Variants in C2orf69 observed in about 807,000 individuals in gnomAD.
C2orf69 encodes the protein mitochondrial protein C2orf69.
In C2orf69, 19 loss-of-function variants were observed where a neutral mutation model predicts 29.5. The ratio of observed to expected loss-of-function variants is 0.65; its 90% CI spans 0.45 to 0.95. The LOEUF is 0.95. C2orf69 is among the 40% of genes least tolerant of loss of function. The probability of loss-of-function intolerance (pLI) is 0.00; values close to 1 mark genes in which losing one functional copy is unlikely to be tolerated. For missense variants in C2orf69, 416 were observed against 482.1 expected (o/e 0.86, Z 1.28); for synonymous variants, 194 against 180.0 (o/e 1.08, Z -0.62).
intron 1 of C2orf69, among the ~76,000 whole-genome samples, chr2:199,923,685 G>T (rs2077326019): frequency 6.6e-6 from 1 of 152,148 alleles, no homozygotes; most frequent in South Asian, 2.1e-4. Context: ...TTTAATATTG[G>T]TTACATGTTG....
At chr2:199,922,398 G>A (rs1172201135) in intron 1 of C2orf69, among the ~76,000 whole-genome samples, 1 of 151,884 alleles carries the variant, frequency 6.6e-6, no homozygotes, top group Non-Finnish European at 1.5e-5. Context: ...CCAGCCTCAG[G>A]CTTTTTTTAA....
Position 199,925,956 on chromosome 2 carries a change from T to C in C2orf69, c.*70T>C, listed in dbSNP as rs2105677659. On this transcript the variant is annotated 3_prime_UTR_variant, in exon 2 of 2. Coordinates refer to ENST00000319974, the MANE Select transcript of C2orf69 (RefSeq NM_153689.6). This position sits in a 1 kb window ranked among gnomAD's most constrained non-coding sequence, Gnocchi z 4.9. ...CACTTTTGAGTGTTATAAATTCAGA[T>C]AATGGGATGTAATTCATAGCTGCAT... is the stretch of plus-strand genomic sequence containing the variant. 1 of 977,232 alleles carries C rather than the reference T, an allele frequency of 1.0e-6. No individual in the cohort carries two copies. The highest frequency in any genetic ancestry group is 2.6e-5 in the East Asian group (1 of 38,946). The allele number at this position is 977,232 out of a possible 1,614,324, so 60.5% of individuals were successfully genotyped here. A position where few individuals can be genotyped will look rare whatever the true frequency, so the allele number is the denominator to read the frequency against.
At chr2:199,923,114 C>CA (rs1204395110) in intron 1 of C2orf69, among the ~76,000 whole-genome samples, 1 of 152,228 alleles carries the variant, frequency 6.6e-6, no homozygotes, top group African/African-American at 2.4e-5. Context: ...CCACGTGGTT[C>CA]ACTCTCTGAG....
In C2orf69 at chr2:199,911,365, C is replaced by A. The variant is rs1294560848; in HGVS notation, c.-74C>A. On this transcript the variant is annotated 5_prime_UTR_variant, in exon 1 of 2. Transcript: ENST00000319974. ...CCGACCGTTGAGCCGCCGGCTGAGC[C>A]GCCTGCTGAAGTCCCTCCCTCAGGA... 3.2e-5 allele frequency: 44 copies of A among 1,374,862 alleles called. No individual in the cohort carries two copies. Among genetic ancestry groups the A allele is most frequent in the Non-Finnish European group, 3.7e-5 (40 of 1,069,988 alleles). The allele number at this position is 1,374,862 out of a possible 1,614,324, so 85.2% of individuals were successfully genotyped here.
At chr2:199,923,103 C>T (rs1267510593) in intron 1 of C2orf69, among the ~76,000 whole-genome samples, 1 of 152,222 alleles carries the variant, frequency 6.6e-6, no homozygotes, top group Non-Finnish European at 1.5e-5. Flanking sequence ...GCCTGAAATA[C>T]CCACGTGGTT....
rs955658665 is a variant in C2orf69 at position 199,911,484 on chromosome 2, C to A, written c.46C>A (p.Leu16Met). The A allele has an allele frequency of 3.9e-6, 6 of 1,546,802 alleles. No homozygotes were observed. The highest frequency in any genetic ancestry group is 1.4e-5 in the African/African-American group (1 of 72,714). The change falls in exon 1 of 2, where the codon CTG becomes ATG. Residue 16 changes from leucine to methionine, a missense_variant. Transcript: ENST00000319974. ...GCGGTCGCCGCCGTTGCTGCTCCTG[C>A]TGCCGCAGCTCGGAATCGGAAACGC... ...LLRSPPLLLL[L>M]PQLGIGNASS...
At position 199,925,221 on chromosome 2, in the gene C2orf69, A is replaced by C. The variant is rs761816847; in HGVS notation, c.493A>C (p.Asn165His). ...MHLHKFSCYD[N>H]FVKSNMFGAP... ...TTTGCACAAATTCAGCTGCTATGACAATTTTGTGAAAAGTAACATGTTTGG... is the reference window on the plus strand; with the variant it reads ...TTTGCACAAATTCAGCTGCTATGACCATTTTGTGAAAAGTAACATGTTTGG... The change falls in exon 2 of 2, where the codon AAT becomes CAT. Residue 165 changes from asparagine to histidine, a missense_variant. Asn to His is a moderately conservative substitution (Grantham distance 68, BLOSUM62 1). Transcript: ENST00000319974. The surrounding 1 kb of genome is among the most constrained non-coding windows in gnomAD (Gnocchi z 4.9). The C allele has an allele frequency of 7.4e-5, 119 of 1,612,534 alleles. No individual in the cohort carries two copies. The highest frequency in any genetic ancestry group is 1.0e-4 in the Non-Finnish European group (119 of 1,179,862).
chr2:199,924,845 T>A (rs1210184394), intron 1 of C2orf69, among the ~76,000 whole-genome samples: 5 of 152,154 alleles, frequency 3.3e-5, no homozygotes, highest in African/African-American at 1.2e-4. Flanking sequence ...TACTTCCTTG[T>A]CTCTTGATAG....
chr2:199,919,806 T>C (rs2077306913), intron 1 of C2orf69, among the ~76,000 whole-genome samples: 1 of 152,238 alleles, frequency 6.6e-6, no homozygotes, highest in Admixed American at 6.5e-5. Context: ...ACATGAACTT[T>C]GGCGGACACA....
Position 199,925,028 on chromosome 2 carries a change from A to G in C2orf69, c.334-34A>G. On this transcript the variant is annotated intron_variant, in intron 1 of 1. Transcript: ENST00000319974. This position sits in a 1 kb window ranked among gnomAD's most constrained non-coding sequence, Gnocchi z 4.9. ...TGGAAATCATTTTATGTAAATATGTATTTAATACTTATTTCATCTTTCTTA... is the reference window on the plus strand; with the variant it reads ...TGGAAATCATTTTATGTAAATATGTGTTTAATACTTATTTCATCTTTCTTA... 1 of 1,267,642 alleles carries G rather than the reference A, an allele frequency of 7.9e-7. No homozygotes were observed. Among genetic ancestry groups the G allele is most frequent in the Non-Finnish European group, 1.1e-6 (1 of 895,290 alleles). The allele number at this position is 1,267,642 out of a possible 1,614,324, so 78.5% of individuals were successfully genotyped here. A position where few individuals can be genotyped will look rare whatever the true frequency, so the allele number is the denominator to read the frequency against.
At position 199,925,647 on chromosome 2, in the gene C2orf69, A is replaced by G. The variant is rs753891992; in HGVS notation, c.919A>G (p.Ser307Gly). 3.5e-5 allele frequency: 56 copies of G among 1,613,786 alleles called. No homozygotes were observed. The highest frequency in any genetic ancestry group is 2.0e-4 in the Admixed American group (12 of 59,992). Residue 307 changes from serine to glycine, a missense_variant, in exon 2 of 2, where the codon AGC (serine) becomes GGC (glycine). Ser to Gly is a moderately conservative substitution (Grantham distance 56, BLOSUM62 0). This residue lies in a region of C2orf69 where 225 missense variants were observed against 307.3 expected (regional missense o/e 0.73). Coordinates refer to ENST00000319974, the MANE Select transcript of C2orf69 (RefSeq NM_153689.6). The surrounding 1 kb of genome is among the most constrained non-coding windows in gnomAD (Gnocchi z 4.9). ...YWLDGGHSGG[S>G]NTWVTYPEVL... ...GCTGGATGGTGGTCATTCTGGAGGAAGCAATACTTGGGTTACTTATCCAGA... is the reference window on the plus strand; with the variant it reads ...GCTGGATGGTGGTCATTCTGGAGGAGGCAATACTTGGGTTACTTATCCAGA...
rs1465885926 is a variant in C2orf69, at chr2:199,925,644, G to A, written c.916G>A (p.Gly306Arg). 3 of 1,613,828 alleles carry A rather than the reference G, an allele frequency of 1.9e-6. No individual in the cohort carries two copies. The highest frequency in any genetic ancestry group is 2.2e-5 in the South Asian group (2 of 91,066). ...TTGGCTGGATGGTGGTCATTCTGGA[G>A]GAAGCAATACTTGGGTTACTTATCC... ...MYWLDGGHSG[G>R]SNTWVTYPEV... The change falls in exon 2 of 2, where the codon GGA (glycine) becomes AGA (arginine). Residue 306 changes from glycine (G) to arginine (R), a missense_variant. Physicochemically the swap from Gly to Arg is moderately radical, Grantham distance 125. Transcript: ENST00000319974. The surrounding 1 kb of genome is among the most constrained non-coding windows in gnomAD (Gnocchi z 4.9).
At chr2:199,919,942 A>G (rs995277147) in intron 1 of C2orf69, among the ~76,000 whole-genome samples, 5 of 152,324 alleles carry the variant, frequency 3.3e-5, no homozygotes, top group East Asian at 1.9e-4. Context: ...CGTTACTTCA[A>G]TAGCAGTTTG....
At position 199,927,836 on chromosome 2, in the gene C2orf69, A is replaced by G. The variant is rs2077341708; in HGVS notation, c.*1950A>G. 6.6e-6 allele frequency: 1 copy of G among 152,156 alleles called. No individual in the cohort carries two copies. The highest frequency in any genetic ancestry group is 1.5e-5 in the Non-Finnish European group (1 of 67,984). 9.4% of individuals were successfully genotyped at this position (152,156 alleles called of 1,614,324 possible). ...AAAAAGCATTTATTTTCACATGATTAACTGAAATGGAAAAGTAAGACATTT... is the reference window on the plus strand; with the variant it reads ...AAAAAGCATTTATTTTCACATGATTGACTGAAATGGAAAAGTAAGACATTT... On this transcript the variant is annotated 3_prime_UTR_variant, in exon 2 of 2. Coordinates refer to ENST00000319974, the MANE Select transcript of C2orf69 (RefSeq NM_153689.6).
In C2orf69 at chr2:199,911,361, GA is replaced by G. The variant is rs2077255810; in HGVS notation, c.-77del. 7.3e-7 allele frequency: 1 copy of G among 1,371,726 alleles called. No individual in the cohort carries two copies. Among genetic ancestry groups the G allele is most frequent in the African/African-American group, 1.5e-5 (1 of 65,008 alleles). The allele number at this position is 1,371,726 out of a possible 1,614,324, so 85.0% of individuals were successfully genotyped here. ...GCCGCCGACCGTTGAGCCGCCGGCT[GA>G]GCCGCCTGCTGAAGTCCCTCCCTCA... On this transcript the variant is annotated 5_prime_UTR_variant, in exon 1 of 2. Coordinates refer to ENST00000319974, the MANE Select transcript of C2orf69 (RefSeq NM_153689.6).
intron 1 of C2orf69, among the ~76,000 whole-genome samples, chr2:199,914,646 C>T (rs1347336848): frequency 6.6e-6 from 1 of 152,068 alleles, no homozygotes; most frequent in Non-Finnish European, 1.5e-5. Context: ...CTTTTCCCAC[C>T]CTGTTACCTA....
At chr2:199,922,031 T>TATATATA (rs1553566021) in intron 1 of C2orf69, among the ~76,000 whole-genome samples, 51 of 78,962 alleles carry the variant, frequency 6.5e-4, no homozygotes, top group Admixed American at 6.0e-3. Flanking sequence ...ACTGTTATTT[T>TATATATA]TATATATATA....
At chr2:199,915,282 TTTC>T (rs1346622697) in intron 1 of C2orf69, among the ~76,000 whole-genome samples, 4 of 152,270 alleles carry the variant, frequency 2.6e-5, no homozygotes, top group Non-Finnish European at 5.9e-5. Flanking sequence ...TTTTCTTTAT[TTTC>T]TTTTATTACT....
chr2:199,913,060 T>C (rs1199724559), intron 1 of C2orf69, among the ~76,000 whole-genome samples: 1 of 145,998 alleles, frequency 6.8e-6, no homozygotes, highest in Non-Finnish European at 1.5e-5. Flanking sequence ...GATATAGATA[T>C]ATAGATATAG....
Sources: gnomAD v4.1 joint callset for allele counts (sites outside exome capture counted in the v4.1 genomes callset) on GRCh38, gnomAD v4.1.1 for gene constraint, gnomAD v4.1.1 regional missense constraint, Gnocchi (gnomAD v3.1) non-coding constraint, MANE v1.5 for transcripts, NCBI Gene and HGNC (gene_info 2026-07-23, HGNC 2026-07-21) for gene names.